Variants in ABCA12 observed in about 807,000 individuals in gnomAD.
The protein encoded by ABCA12 is ATP binding cassette subfamily A member 12, also known as glucosylceramide transporter ABCA12.
A neutral mutation model predicts 293.5 loss-of-function variants in ABCA12; 156 were observed. The observed-to-expected ratio is 0.53, with a 90% CI of 0.47 to 0.61. The LOEUF (loss-of-function observed/expected upper bound fraction) is 0.61. Ranked by LOEUF, ABCA12 falls within the 20% of genes least tolerant of loss-of-function variation. The pLI, the probability that ABCA12 is intolerant of heterozygous loss-of-function variation, is 0.00. For synonymous variants in ABCA12, 1,063 were observed against 1,108.0 expected (o/e 0.96, Z 0.81); for missense variants, 2,797 against 3,090.2 (o/e 0.91, Z 2.25).
Position 214,954,038 on chromosome 2 carries a change from C to G in ABCA12, c.6463G>C (p.Gly2155Arg), listed in dbSNP as rs750214847. Residue 2155 changes from glycine (G) to arginine (R), a missense_variant, in exon 44 of 53, where the codon GGT becomes CGT. This residue lies in a region of ABCA12 where 2,130 missense variants were observed against 2,427.0 expected (regional missense o/e 0.88). Transcript: ENST00000272895. ...LIFPQFCFGYGLIELSQQQSV... is the reference protein window; with the variant it reads ...LIFPQFCFGYRLIELSQQQSV... ...TGTTGTTGAGAAAGTTCAATCAAACCGTAGCCAAAACAGAATTGTGGGAAA... is the reference window on the plus strand; with the variant it reads ...TGTTGTTGAGAAAGTTCAATCAAACGGTAGCCAAAACAGAATTGTGGGAAA... 1.9e-6 allele frequency: 3 copies of G among 1,613,914 alleles called. No individual in the cohort carries two copies. In the South Asian group the frequency reaches 3.3e-5, roughly 18 times the overall value.
At chr2:215,019,031 C>A (rs2106012579) in intron 13 of ABCA12, among the ~76,000 whole-genome samples, 1 of 152,268 alleles carries the variant, frequency 6.6e-6, no homozygotes, top group African/African-American at 2.4e-5. Context: ...TTCATTGTTG[C>A]CCTTGCAGCT....
chr2:215,119,410 T>G (rs1357861164), intron 1 of ABCA12, among the ~76,000 whole-genome samples: 1 of 152,160 alleles, frequency 6.6e-6, no homozygotes, highest in Non-Finnish European at 1.5e-5. Flanking sequence ...ACTTCCTAGA[T>G]TTTCTTTTAG....
chr2:215,089,658 A>G (rs59235793), intron 2 of ABCA12, among the ~76,000 whole-genome samples: 3,932 of 152,288 alleles, frequency 0.026, 68 homozygotes, highest in South Asian at 0.054. Flanking sequence ...CATTCAGAGG[A>G]TTTTTATCCA....
chr2:215,011,764 C>T, intron 16 of ABCA12, 115 bp from the exon 17 acceptor site: 1 of 1,192,722 alleles, frequency 8.4e-7, no homozygotes, highest in Non-Finnish European at 1.2e-6. Flanking sequence ...TTCCATAATT[C>T]CTTTTATATG....
chr2:215,064,963 T>C (rs1701612780), intron 2 of ABCA12, among the ~76,000 whole-genome samples: 1 of 152,010 alleles, frequency 6.6e-6, no homozygotes, highest in African/African-American at 2.4e-5. Context: ...AATTATCCTA[T>C]ATACACAACT....
At chr2:215,010,991 G>C (rs565881296) in intron 17 of ABCA12, among the ~76,000 whole-genome samples, 1 of 152,112 alleles carries the variant, frequency 6.6e-6, no homozygotes, top group Non-Finnish European at 1.5e-5. Context: ...AGACATTTAC[G>C]GTTCTGCTGC....
intron 1 of ABCA12, among the ~76,000 whole-genome samples, chr2:215,120,578 A>G (rs528770987): frequency 6.6e-6 from 1 of 152,292 alleles, no homozygotes; most frequent in South Asian, 2.1e-4. Context: ...CAGAAGCAGC[A>G]TATGTGTGAA....
intron 19 of ABCA12, among the ~76,000 whole-genome samples, chr2:215,006,413 G>T (rs1004588731): frequency 6.6e-6 from 1 of 152,086 alleles, no homozygotes; most frequent in African/African-American, 2.4e-5. Context: ...AAATTGTGGG[G>T]AAGACATTTG....
At chr2:214,971,621 CATTATT>C (rs774701244) in intron 36 of ABCA12, among the ~76,000 whole-genome samples, 13 of 152,122 alleles carry the variant, frequency 8.5e-5, no homozygotes, top group South Asian at 2.1e-4. Context: ...TCTTTTCACT[CATTATT>C]ATGATTATGA....
At chr2:215,132,539 CTAATA>C (rs1362726832) in intron 1 of ABCA12, among the ~76,000 whole-genome samples, 2 of 151,542 alleles carry the variant, frequency 1.3e-5, no homozygotes, top group Non-Finnish European at 2.9e-5. Context: ...TCTGTTTTAT[CTAATA>C]TGAGAATGGC....
Position 215,011,999 on chromosome 2 carries a change from T to C in ABCA12, c.2093A>G (p.His698Arg). ...LDKMRSLKQM[H>R]LPRSVPLTQA... is the part of the protein sequence containing the mutation. ...TGTTAATGGAACACTTCTGGGCAGA[T>C]GCATTTGCTTCAGGGATCTCATTTT... The change falls in exon 16 of 53, where the codon CAT (histidine) becomes CGT (arginine). Residue 698 changes from histidine to arginine, a missense_variant. This residue lies in a region of ABCA12 where 2,130 missense variants were observed against 2,427.0 expected (regional missense o/e 0.88). Transcript: ENST00000272895. The C allele has an allele frequency of 2.5e-6, 4 of 1,613,998 alleles. No individual in the cohort carries two copies. The highest frequency in any genetic ancestry group is 3.4e-6 in the Non-Finnish European group (4 of 1,179,940).
At chr2:215,058,519 A>G (rs563669321) in intron 3 of ABCA12, among the ~76,000 whole-genome samples, 37 of 152,138 alleles carry the variant, frequency 2.4e-4, no homozygotes, top group African/African-American at 7.9e-4. Context: ...CTCATACTGG[A>G]TATCTCTGGG....
At chr2:214,970,500 GCA>G (rs1699363999) in intron 36 of ABCA12, 100 bp from the exon 37 acceptor site, 1 of 1,340,898 alleles carries the variant, frequency 7.5e-7, no homozygotes, top group African/African-American at 1.5e-5. Context: ...GTCTATTACT[GCA>G]ACTGGTAGAG....
intron 20 of ABCA12, among the ~76,000 whole-genome samples, chr2:215,003,876 C>T (rs1295747698): frequency 6.6e-6 from 1 of 152,070 alleles, no homozygotes; most frequent in Non-Finnish European, 1.5e-5. Flanking sequence ...CCATGTTGGC[C>T]AGGCTGGTCT....
At chr2:215,061,501 A>C (rs1701527586) in intron 3 of ABCA12, among the ~76,000 whole-genome samples, 1 of 152,078 alleles carries the variant, frequency 6.6e-6, no homozygotes, top group Non-Finnish European at 1.5e-5. Context: ...TATGCTGGTG[A>C]ATCTTCCTTC....
At chr2:214,968,621 A>AT (rs1163673121) in intron 38 of ABCA12, 99 bp downstream of exon 38, 2 of 1,168,448 alleles carry the variant, frequency 1.7e-6, no homozygotes, top group African/African-American at 3.0e-5. Flanking sequence ...TGCCAAATCG[A>AT]TTGTACCCAT....
chr2:215,062,501 A>G (rs923954051), intron 3 of ABCA12, among the ~76,000 whole-genome samples: 1 of 151,994 alleles, frequency 6.6e-6, no homozygotes, highest in South Asian at 2.1e-4. Flanking sequence ...CACTAAACAC[A>G]CAATGCGAAT....
intron 1 of ABCA12, among the ~76,000 whole-genome samples, chr2:215,124,717 T>C (rs987793721): frequency 6.6e-6 from 1 of 152,242 alleles, no homozygotes; most frequent in Non-Finnish European, 1.5e-5. Context: ...CTTTGTCAGA[T>C]GTACAGATTG....
intron 39 of ABCA12, among the ~76,000 whole-genome samples, chr2:214,959,786 A>G (rs1323415746): frequency 1.3e-5 from 2 of 152,294 alleles, no homozygotes; most frequent in Middle Eastern, 3.4e-3. Flanking sequence ...TACTTGAGTA[A>G]AAAACAAGGC....
Sources: allele counts gnomAD v4.1 joint callset (sites outside exome capture counted in the v4.1 genomes callset), GRCh38; gene constraint gnomAD v4.1.1; regional missense constraint gnomAD v4.1.1; transcripts MANE v1.5; gene names NCBI Gene and HGNC (gene_info 2026-07-23, HGNC 2026-07-21).